Variants in MTMR2 observed in about 807,000 individuals in gnomAD.
MTMR2 encodes the protein myotubularin related protein 2, also known as phosphatidylinositol-3,5-bisphosphate 3-phosphatase MTMR2.
Under a neutral mutation model 86.9 loss-of-function variants are expected in MTMR2, and 55 were observed. The observed-to-expected ratio is 0.63, with a 90% CI of 0.51 to 0.79. The LOEUF is 0.79. Ranked by LOEUF, MTMR2 falls within the 30% of genes least tolerant of loss-of-function variation. The pLI is 0.00. For missense variants in MTMR2, 659 were observed against 772.3 expected (o/e 0.85, Z 1.74); for synonymous variants, 241 against 266.8 (o/e 0.90, Z 0.94).
At chr11:95,897,290 A>G (rs1414856963) in intron 1 of MTMR2, among the ~76,000 whole-genome samples, 2 of 152,158 alleles carry the variant, frequency 1.3e-5, no homozygotes, top group Non-Finnish European at 2.9e-5. Flanking sequence ...ACAGATAAAT[A>G]CTAAAAAATT....
chr11:95,851,914 G>C (rs1044101331), intron 7 of MTMR2, among the ~76,000 whole-genome samples: 1 of 152,154 alleles, frequency 6.6e-6, no homozygotes, highest in Non-Finnish European at 1.5e-5. Flanking sequence ...TTGAGCTCTC[G>C]TGCTCCTTCA....
chr11:95,872,971 T>C (rs540371112), intron 2 of MTMR2, among the ~76,000 whole-genome samples: 4 of 152,354 alleles, frequency 2.6e-5, no homozygotes, highest in African/African-American at 9.6e-5. Context: ...ACATCCCACT[T>C]GATCATGGTG....
At chr11:95,838,995 G>A (rs963899502) in intron 12 of MTMR2, among the ~76,000 whole-genome samples, 6 of 151,940 alleles carry the variant, frequency 3.9e-5, no homozygotes, top group East Asian at 1.9e-4. Context: ...AGGGCTGTAC[G>A]TGATAAGAAA....
chr11:95,844,336 C>G (rs1863678698), intron 11 of MTMR2, among the ~76,000 whole-genome samples: 1 of 152,194 alleles, frequency 6.6e-6, no homozygotes, highest in Admixed American at 6.5e-5. Context: ...CTTTAAATGT[C>G]TGTTCCTTTC....
chr11:95,873,663 C>T (rs368166912), intron 2 of MTMR2, among the ~76,000 whole-genome samples: 2 of 151,496 alleles, frequency 1.3e-5, no homozygotes, highest in Non-Finnish European at 2.9e-5. Context: ...GCTCTTGCTT[C>T]TCTAGTTCTT....
intron 10 of MTMR2, among the ~76,000 whole-genome samples, chr11:95,845,540 A>G (rs1863750203): frequency 6.6e-6 from 1 of 152,152 alleles, no homozygotes; most frequent in African/African-American, 2.4e-5. Flanking sequence ...GTTATGATTT[A>G]AAACAATGCT....
At chr11:95,890,873 G>A (rs1382401789) in intron 1 of MTMR2, among the ~76,000 whole-genome samples, 1 of 151,126 alleles carries the variant, frequency 6.6e-6, no homozygotes, top group Admixed American at 6.6e-5. Flanking sequence ...AACTCATCTC[G>A]AAAAATTAAA....
At position 95,847,913 on chromosome 11, in the gene MTMR2, C is replaced by A. The variant is rs1565350160; in HGVS notation, c.994-14G>T. 2 of 1,589,920 alleles carry A rather than the reference C, an allele frequency of 1.3e-6. No homozygotes were observed. Among genetic ancestry groups the A allele is most frequent in the East Asian group, 2.2e-5 (1 of 44,780 alleles). ...TCCACCCTTTGCCTGGAAAAAAGCACACATCATGGAAAATCATAAATGAAT... is the reference window on the plus strand; with the variant it reads ...TCCACCCTTTGCCTGGAAAAAAGCAAACATCATGGAAAATCATAAATGAAT... On this transcript the variant is annotated splice_polypyrimidine_tract_variant and intron_variant, in intron 9 of 14. Transcript: ENST00000346299.
chr11:95,881,509 C>T (rs1865320888), intron 2 of MTMR2, among the ~76,000 whole-genome samples: 1 of 152,100 alleles, frequency 6.6e-6, no homozygotes, highest in African/African-American at 2.4e-5. Flanking sequence ...ATCCTTTTAG[C>T]TTCTTTAATA....
intron 2 of MTMR2, among the ~76,000 whole-genome samples, chr11:95,877,397 G>T (rs1364073124): frequency 9.2e-6 from 1 of 108,400 alleles, no homozygotes; most frequent in Non-Finnish European, 1.7e-5. Context: ...TGGTTTTTCA[G>T]CTGAAACCAC....
At chr11:95,838,355 A>G (rs751116352) in intron 12 of MTMR2, 148 bp from the exon 13 acceptor site, 6 of 642,892 alleles carry the variant, frequency 9.3e-6, no homozygotes, top group South Asian at 1.6e-5. Context: ...CATTATTCGT[A>G]TGGTTTTCTT....
rs1650250656 is a variant in MTMR2, at chr11:95,833,615, G to C, written c.*1675C>G. ...TTGAATTTGAAGTGGATGCAAGTAT[G>C]TTAAGACTAGAAGCTTTAAATTCTT... On this transcript the variant is annotated 3_prime_UTR_variant, in exon 15 of 15. Transcript: ENST00000346299. 1 of 152,084 alleles carries C rather than the reference G, an allele frequency of 6.6e-6. No individual in the cohort carries two copies. The highest frequency in any genetic ancestry group is 1.5e-5 in the Non-Finnish European group (1 of 67,994). 9.4% of individuals were successfully genotyped at this position (152,084 alleles called of 1,614,324 possible).
intron 1 of MTMR2, among the ~76,000 whole-genome samples, chr11:95,908,550 A>G (rs560674854): frequency 2.8e-4 from 42 of 152,308 alleles, no homozygotes; most frequent in Admixed American, 1.2e-3. Context: ...CTAAACAAAA[A>G]GAACAAATCT....
chr11:95,846,899 AT>A (rs1192490081), intron 10 of MTMR2, among the ~76,000 whole-genome samples: 1 of 152,098 alleles, frequency 6.6e-6, no homozygotes, highest in African/African-American at 2.4e-5. Flanking sequence ...TAAAATTCTT[AT>A]TCAGTTTGGT....
Position 95,834,841 on chromosome 11 carries a change from C to A in MTMR2, c.*449G>T. The stretch of plus-strand genomic sequence containing the variant: ...AAACCTAGAATGGAGAAAGGGATAT[C>A]AAATGATTTTGATCTGTCATGACAT... On this transcript the variant is annotated 3_prime_UTR_variant, in exon 15 of 15. Coordinates refer to ENST00000346299, the MANE Select transcript of MTMR2 (RefSeq NM_016156.6). The A allele has an allele frequency of 5.8e-6, 1 of 172,126 alleles. No individual in the cohort carries two copies. The highest frequency in any genetic ancestry group is 1.3e-5 in the Non-Finnish European group (1 of 78,572). The allele number at this position is 172,126 out of a possible 1,614,324, so 10.7% of individuals were successfully genotyped here. A position where few individuals can be genotyped will look rare whatever the true frequency, so the allele number is the denominator to read the frequency against.
chr11:95,865,244 A>G (rs1864569234), intron 3 of MTMR2, among the ~76,000 whole-genome samples: 1 of 152,200 alleles, frequency 6.6e-6, no homozygotes, highest in Non-Finnish European at 1.5e-5. Flanking sequence ...CAATGTTTTT[A>G]TCTAGGCAAC....
At chr11:95,842,419 C>G (rs559063886) in intron 11 of MTMR2, among the ~76,000 whole-genome samples, 1 of 152,282 alleles carries the variant, frequency 6.6e-6, no homozygotes, top group African/African-American at 2.4e-5. Context: ...AGGGTACCCC[C>G]TCCTATCTTA....
intron 13 of MTMR2, among the ~76,000 whole-genome samples, chr11:95,837,086 A>G (rs538222606): frequency 1.3e-5 from 2 of 152,188 alleles, no homozygotes; most frequent in South Asian, 2.1e-4. Flanking sequence ...TAGCTATGCT[A>G]TTTCTAATGA....
chr11:95,848,031 A>G (rs1157021380), intron 9 of MTMR2, 132 bp from the exon 10 acceptor site: 1 of 870,908 alleles, frequency 1.1e-6, no homozygotes, highest in African/African-American at 1.7e-5. Context: ...GAAAATGTGG[A>G]TGGCTCAGGA....
Sources: allele counts gnomAD v4.1 joint callset (sites outside exome capture counted in the v4.1 genomes callset), GRCh38; gene constraint gnomAD v4.1.1; transcripts MANE v1.5; gene names NCBI Gene and HGNC (gene_info 2026-07-23, HGNC 2026-07-21).